Variants in PCDHGA4 observed in about 807,000 individuals in gnomAD.
PCDHGA4 encodes protocadherin gamma subfamily A, 4.
In PCDHGA4, 38 loss-of-function variants were observed where a neutral mutation model predicts 54.6. That is an observed-to-expected ratio of 0.70 (90% CI 0.54 to 0.91). The LOEUF (loss-of-function observed/expected upper bound fraction) is 0.91, where lower values mean the gene tolerates loss of function less well. Ranked by LOEUF, PCDHGA4 falls within the 40% of genes least tolerant of loss-of-function variation. The probability of loss-of-function intolerance (pLI) is 0.00; values close to 1 mark genes in which losing one functional copy is unlikely to be tolerated. For synonymous variants in PCDHGA4, 511 were observed against 512.9 expected (o/e 1.00, Z 0.05); for missense variants, 1,298 against 1,220.9 (o/e 1.06, Z -0.94).
At chr5:141,470,862 G>T (rs1363111218) in intron 1 of PCDHGA4, among the ~76,000 whole-genome samples, 1 of 151,596 alleles carries the variant, frequency 6.6e-6, no homozygotes, top group Non-Finnish European at 1.5e-5. Context: ...TAAGTTTTTT[G>T]TTTGTTTGTT....
chr5:141,419,304 G>T, intron 1 of PCDHGA4: 1 of 1,613,994 alleles, frequency 6.2e-7, no homozygotes, highest in Non-Finnish European at 8.5e-7. Context: ...CCAGACTTCG[G>T]GCTCAACGGC....
At chr5:141,433,068 T>G (rs1296504554) in intron 1 of PCDHGA4, 1 of 1,613,900 alleles carries the variant, frequency 6.2e-7, no homozygotes, top group South Asian at 1.1e-5. Context: ...CACCTGATCT[T>G]CCCCCAGCCC....
intron 1 of PCDHGA4, among the ~76,000 whole-genome samples, chr5:141,465,300 G>A (rs904996219): frequency 1.3e-5 from 2 of 152,112 alleles, no homozygotes; most frequent in Non-Finnish European, 2.9e-5. Flanking sequence ...TGAGAGTCCT[G>A]GGAATTTAGC....
intron 1 of PCDHGA4, chr5:141,414,391 T>TG (rs1367379916): frequency 6.2e-7 from 1 of 1,613,862 alleles, no homozygotes; most frequent in South Asian, 1.1e-5. Flanking sequence ...TGACAGTTAT[T>TG]ACAGATTGGT....
intron 1 of PCDHGA4, chr5:141,413,704 A>C (rs749988351): frequency 6.2e-7 from 1 of 1,613,616 alleles, no homozygotes; most frequent in South Asian, 1.1e-5. Flanking sequence ...CTATCAGCTC[A>C]GCCCCAATAA....
At chr5:141,481,779 C>T (rs1367771159) in intron 1 of PCDHGA4, among the ~76,000 whole-genome samples, 2 of 152,092 alleles carry the variant, frequency 1.3e-5, no homozygotes, top group Non-Finnish European at 2.9e-5. Flanking sequence ...TGGTGAAACC[C>T]CGTCTCTACT....
intron 1 of PCDHGA4, among the ~76,000 whole-genome samples, chr5:141,455,419 G>T (rs1462099602): frequency 6.6e-6 from 1 of 152,124 alleles, no homozygotes; most frequent in Non-Finnish European, 1.5e-5. Flanking sequence ...AGGGAGCGGG[G>T]CTCCAAAAGA....
chr5:141,400,402 G>T (rs574141234), intron 1 of PCDHGA4: 2 of 1,614,056 alleles, frequency 1.2e-6, no homozygotes, highest in South Asian at 2.2e-5. Context: ...AGGAAAGACG[G>T]AGTTTAATTT....
At chr5:141,452,460 G>A (rs750887712) in intron 1 of PCDHGA4, among the ~76,000 whole-genome samples, 1 of 152,140 alleles carries the variant, frequency 6.6e-6, no homozygotes, top group Non-Finnish European at 1.5e-5. Flanking sequence ...GTCAGCAGAC[G>A]GAGCTAGGAA....
At position 141,370,514 on chromosome 5, in the gene PCDHGA4, G is replaced by T. The variant is rs1295709231; in HGVS notation, c.2514+12893G>T. 3 of 1,613,776 alleles carry T rather than the reference G, an allele frequency of 1.9e-6. No individual in the cohort carries two copies. The African/African-American group carries it at 4.0e-5, about 22-fold the overall frequency. On this transcript the variant is annotated intron_variant, in intron 1 of 3. Coordinates refer to ENST00000571252, the MANE Select transcript of PCDHGA4 (RefSeq NM_018917.4). ...CGATCCGCTACGCTATTCCCGAGGAGCTGGACAGGGGCTCGCTGGTAGGGA... is the reference window on the plus strand; with the variant it reads ...CGATCCGCTACGCTATTCCCGAGGATCTGGACAGGGGCTCGCTGGTAGGGA...
chr5:141,367,835 C>T (rs1423216035), intron 1 of PCDHGA4: 1 of 151,994 alleles, frequency 6.6e-6, no homozygotes, highest in East Asian at 1.9e-4. Context: ...GAATCAATAC[C>T]TACTGCAATG....
At chr5:141,411,045 T>G (rs1409162601) in intron 1 of PCDHGA4, 1 of 159,716 alleles carries the variant, frequency 6.3e-6, no homozygotes, top group Non-Finnish European at 1.4e-5. Flanking sequence ...AGACATGGGG[T>G]TTCACTATGT....
Position 141,431,999 on chromosome 5 carries a change from C to G in PCDHGA4, c.2515-62808C>G. The G allele has an allele frequency of 6.2e-7, 1 of 1,614,158 alleles. No homozygotes were observed. The highest frequency in any genetic ancestry group is 1.1e-5 in the South Asian group (1 of 91,086). On this transcript the variant is annotated intron_variant, in intron 1 of 3. Transcript: ENST00000571252. This position sits in a 1 kb window ranked among gnomAD's most constrained non-coding sequence, Gnocchi z 4.8. ...CACAGACATAGTCTTGGATAGGGAA[C>G]AGGTTCCTAGCTACAACATCACAGT... is the stretch of plus-strand genomic sequence containing the variant.
At position 141,415,039 on chromosome 5, in the gene PCDHGA4, G is replaced by T. The variant is rs761101620; in HGVS notation, c.2514+57418G>T. ...CAAGGCCAGCGAGCCGGGACTCTTC[G>T]CGGTGGGGGAGCACACGGGCGAGGT... On this transcript the variant is annotated intron_variant, in intron 1 of 3. Transcript: ENST00000571252. The T allele has an allele frequency of 3.1e-6, 5 of 1,613,342 alleles. No homozygotes were observed. The highest frequency in any genetic ancestry group is 3.4e-6 in the Non-Finnish European group (4 of 1,179,934).
intron 1 of PCDHGA4, chr5:141,400,466 C>T: frequency 6.2e-7 from 1 of 1,614,024 alleles, no homozygotes; most frequent in Non-Finnish European, 8.5e-7. Context: ...TGTGGTGATT[C>T]ATCTGGGGCC....
At position 141,399,541 on chromosome 5, in the gene PCDHGA4, G is replaced by T. The variant is rs1301909841; in HGVS notation, c.2514+41920G>T. Reference sequence around the variant, plus strand: ...TGGGGCCTCCATCGCGCAAGTCTGCGCCTCGGACCTGGACTTGGGGTTGAA... The same window carrying T: ...TGGGGCCTCCATCGCGCAAGTCTGCTCCTCGGACCTGGACTTGGGGTTGAA... On this transcript the variant is annotated intron_variant, in intron 1 of 3. Transcript: ENST00000571252. 1.9e-6 allele frequency: 3 copies of T among 1,613,926 alleles called. No individual in the cohort carries two copies. In the Admixed American group the frequency reaches 5.0e-5, roughly 27 times the overall value.
At position 141,355,142 on chromosome 5, in the gene PCDHGA4, C is replaced by A; in HGVS notation, c.35C>A (p.Ala12Asp). 2 of 1,526,256 alleles carry A rather than the reference C, an allele frequency of 1.3e-6. No individual in the cohort carries two copies. The highest frequency in any genetic ancestry group is 2.5e-4 in the Middle Eastern group (1 of 4,024). 94.5% of individuals were successfully genotyped at this position (1,526,256 alleles called of 1,614,324 possible). Residue 12 changes from alanine (A) to aspartate (D), a missense_variant, in exon 1 of 4, where the codon GCT becomes GAT. By Grantham distance (126) the Ala-to-Asp change is moderately radical. Coordinates refer to ENST00000571252, the MANE Select transcript of PCDHGA4 (RefSeq NM_018917.4). Reference protein sequence around the residue: ...HFILDPEDPGAPQASTEGKPK... With the variant: ...HFILDPEDPGDPQASTEGKPK... ...ATTTTGGACCCAGAAGATCCTGGGG[C>A]TCCTCAGGCCTCGACAGAGGGAAAA...
intron 1 of PCDHGA4, among the ~76,000 whole-genome samples, chr5:141,401,748 C>G (rs2094189969): frequency 6.6e-6 from 1 of 152,134 alleles, no homozygotes; most frequent in Non-Finnish European, 1.5e-5. Context: ...ATACAAAGCT[C>G]CCATTACATG....
intron 1 of PCDHGA4, chr5:141,398,897 C>G (rs761364649): frequency 2.1e-5 from 34 of 1,613,932 alleles, no homozygotes; most frequent in Non-Finnish European, 2.8e-5. Context: ...AACGTGCCAC[C>G]AGGCACCACT....
Sources: gnomAD v4.1 joint callset for allele counts (sites outside exome capture counted in the v4.1 genomes callset) on GRCh38, gnomAD v4.1.1 for gene constraint, Gnocchi (gnomAD v3.1) non-coding constraint, MANE v1.5 for transcripts, NCBI Gene and HGNC (gene_info 2026-07-23, HGNC 2026-07-21) for gene names.